Variants in MEF2C observed in about 807,000 individuals in gnomAD.
MEF2C encodes myocyte enhancer factor 2C.
In MEF2C, 6 loss-of-function variants were observed where a neutral mutation model predicts 50.5. That is an observed-to-expected ratio of 0.12 (90% CI 0.07 to 0.23). The LOEUF (loss-of-function observed/expected upper bound fraction) is 0.23. Ranked by LOEUF, MEF2C falls within the 10% of genes least tolerant of loss-of-function variation. The probability of loss-of-function intolerance (pLI) is 1.00; values close to 1 mark genes in which losing one functional copy is unlikely to be tolerated. For synonymous variants in MEF2C, 183 were observed against 228.0 expected, an observed-to-expected ratio of 0.80 and a Z score of 1.78; for missense variants, 276 against 605.0, an observed-to-expected ratio of 0.46 and a Z score of 5.70.
chr5:88,870,222 C>A (rs995943422), intron 1 of MEF2C, among the ~76,000 whole-genome samples: 1 of 151,676 alleles, frequency 6.6e-6, no homozygotes, highest in Admixed American at 6.6e-5. Flanking sequence ...TGTTTGTGAA[C>A]TTTTAAAATT....
chr5:88,778,510 G>C (rs1786053339), intron 3 of MEF2C, among the ~76,000 whole-genome samples: 1 of 152,032 alleles, frequency 6.6e-6, no homozygotes, highest in Non-Finnish European at 1.5e-5. Flanking sequence ...GGAATAGATT[G>C]GGGAAAAGAG....
chr5:88,752,517 CA>C (rs1773303825), intron 4 of MEF2C: 24 of 759,660 alleles, frequency 3.2e-5, no homozygotes, highest in Non-Finnish European at 3.7e-5. Flanking sequence ...GTGCATAGCA[CA>C]TATACCTTAA....
At chr5:88,780,866 G>T (rs74540833) in intron 3 of MEF2C, 6 of 984,860 alleles carry the variant, frequency 6.1e-6, no homozygotes, top group African/African-American at 1.8e-5. Flanking sequence ...CATCTCTCTC[G>T]TTCTTTCACT....
chr5:88,777,217 G>A (rs900482196), intron 3 of MEF2C, among the ~76,000 whole-genome samples: 1 of 152,142 alleles, frequency 6.6e-6, no homozygotes, highest in Non-Finnish European at 1.5e-5. Context: ...ATGGCATGAA[G>A]AGGAAATTAA....
intron 1 of MEF2C, among the ~76,000 whole-genome samples, chr5:88,866,204 AT>A (rs1277000178): frequency 6.6e-6 from 1 of 152,184 alleles, no homozygotes; most frequent in East Asian, 1.9e-4. Flanking sequence ...CCCAAGTCAC[AT>A]TTCAAATAGA....
At chr5:88,824,825 G>C (rs1810106652) in intron 1 of MEF2C, 4 of 151,828 alleles carry the variant, frequency 2.6e-5, no homozygotes, top group Admixed American at 2.6e-4. Flanking sequence ...TTAGAGAAAT[G>C]ATCATCAATA....
chr5:88,825,407 A>T, intron 1 of MEF2C: 1 of 834,090 alleles, frequency 1.2e-6, no homozygotes, highest in Non-Finnish European at 1.4e-6. Context: ...ACTGCAGCTC[A>T]GTTCTGCCTC....
intron 3 of MEF2C, chr5:88,770,101 G>C (rs941847121): frequency 3.2e-6 from 2 of 624,398 alleles, no homozygotes; most frequent in Non-Finnish European, 4.0e-6. Context: ...AAGGTTGAGA[G>C]AGGAAAGGAG....
intron 4 of MEF2C, among the ~76,000 whole-genome samples, chr5:88,754,044 A>G (rs1580133473): frequency 6.6e-6 from 1 of 152,090 alleles, no homozygotes; most frequent in African/African-American, 2.4e-5. Flanking sequence ...ATCCAGACCC[A>G]CCCTCTAGCC....
At chr5:88,735,918 C>T (rs1015552115) in intron 6 of MEF2C, 37 of 985,162 alleles carry the variant, frequency 3.8e-5, no homozygotes, top group Non-Finnish European at 4.2e-5. Flanking sequence ...TTTGAGTTTT[C>T]TTCACTTGTT....
At chr5:88,819,612 A>G (rs747581403) in intron 2 of MEF2C, among the ~76,000 whole-genome samples, 1 of 151,842 alleles carries the variant, frequency 6.6e-6, no homozygotes, top group Non-Finnish European at 1.5e-5. Flanking sequence ...CCTTTCTCCA[A>G]CCCTGATGTA....
At chr5:88,818,918 T>A (rs766524513) in intron 2 of MEF2C, among the ~76,000 whole-genome samples, 5 of 152,026 alleles carry the variant, frequency 3.3e-5, no homozygotes, top group Non-Finnish European at 7.4e-5. Context: ...AGAGCCTGAG[T>A]CTTAATAGGA....
At chr5:88,735,284 A>T (rs555111615) in intron 6 of MEF2C, 250 of 985,280 alleles carry the variant, frequency 2.5e-4, no homozygotes, top group Non-Finnish European at 3.0e-4. Flanking sequence ...ATTTAAATTC[A>T]GGGGTCCGGG....
chr5:88,777,904 T>TTC (rs1554125828), intron 3 of MEF2C, among the ~76,000 whole-genome samples: 4 of 133,304 alleles, frequency 3.0e-5, no homozygotes, highest in Non-Finnish European at 4.8e-5. Context: ...CTTTTCTTTT[T>TTC]TTTTTTTTTT....
intron 3 of MEF2C, among the ~76,000 whole-genome samples, chr5:88,784,493 C>T (rs1789852037): frequency 6.6e-6 from 1 of 152,136 alleles, no homozygotes; most frequent in African/African-American, 2.4e-5. Context: ...GTTACAGAAT[C>T]TATTATATGT....
intron 1 of MEF2C, among the ~76,000 whole-genome samples, chr5:88,826,667 G>C (rs1810990199): frequency 6.6e-6 from 1 of 151,962 alleles, no homozygotes; most frequent in Non-Finnish European, 1.5e-5. Flanking sequence ...AGGAGGCCTA[G>C]AGAGGCGAAG....
chr5:88,746,942 A>C (rs1409154875), intron 6 of MEF2C, among the ~76,000 whole-genome samples: 1 of 152,194 alleles, frequency 6.6e-6, no homozygotes, highest in Non-Finnish European at 1.5e-5. Flanking sequence ...ATCAAGATAT[A>C]ATATTTATTA....
chr5:88,763,211 A>G (rs1014995080), intron 3 of MEF2C, among the ~76,000 whole-genome samples: 4 of 152,254 alleles, frequency 2.6e-5, no homozygotes, highest in African/African-American at 9.6e-5. Context: ...TTGACACAGC[A>G]TGATAAAATA....
At chr5:88,792,038 T>C (rs1794011384) in intron 3 of MEF2C, among the ~76,000 whole-genome samples, 1 of 152,102 alleles carries the variant, frequency 6.6e-6, no homozygotes, top group South Asian at 2.1e-4. Flanking sequence ...ATATCAATTA[T>C]GTTTTATAGT....
Sources: allele counts gnomAD v4.1 joint callset (sites outside exome capture counted in the v4.1 genomes callset), GRCh38; gene constraint gnomAD v4.1.1; transcripts MANE v1.5; gene names NCBI Gene and HGNC (gene_info 2026-07-23, HGNC 2026-07-21).